The following SLC9A1 variants were observed in gnomAD, a reference collection of about 807,000 sequenced individuals.
The protein encoded by SLC9A1 is sodium/hydrogen exchanger 1.
A neutral mutation model predicts 67.9 loss-of-function variants in SLC9A1; 22 were observed. The observed-to-expected ratio is 0.32, with a 90% CI of 0.23 to 0.46. The LOEUF (loss-of-function observed/expected upper bound fraction) is 0.46. Ranked by LOEUF, SLC9A1 falls within the 20% of genes least tolerant of loss-of-function variation. The pLI, the probability that SLC9A1 is intolerant of heterozygous loss-of-function variation, is 1.00. For missense variants in SLC9A1, 686 were observed against 1,094.8 expected (o/e 0.63, Z 5.27); for synonymous variants, 421 against 471.8 (o/e 0.89, Z 1.40).
In SLC9A1 at chr1:27,137,018, G is replaced by A. The variant is rs1406298699; in HGVS notation, c.352+16965C>T. Among the ~76,000 whole-genome samples, 2 of 152,238 alleles carry A rather than the reference G, an allele frequency of 1.3e-5. No individual in the cohort carries two copies. Among genetic ancestry groups the A allele is most frequent in the African/African-American group, 4.8e-5 (2 of 41,468 alleles). On this transcript the variant is annotated intron_variant, in intron 1 of 11. Coordinates refer to ENST00000263980, the MANE Select transcript of SLC9A1 (RefSeq NM_003047.5). The surrounding 1 kb of genome is among the most constrained non-coding windows in gnomAD (Gnocchi z 4.6). ...CGTTGCCATTCCATTGTAAGTGGTA[G>A]TGCCAGATGGAGCCCCATCTGCCCC...
chr1:27,125,237 C>CTTTTTTTTTTT (rs71010327), intron 1 of SLC9A1, among the ~76,000 whole-genome samples: 42 of 86,880 alleles, frequency 4.8e-4, no homozygotes, highest in Non-Finnish European at 6.3e-4. Context: ...CCTTTTCTTT[C>CTTTTTTTTTTT]TTTTTTTTTT....
At chr1:27,147,742 T>C (rs763438746) in intron 1 of SLC9A1, among the ~76,000 whole-genome samples, 12 of 152,148 alleles carry the variant, frequency 7.9e-5, no homozygotes, top group Non-Finnish European at 1.5e-4. Context: ...ACGCCTGTAA[T>C]CCAGCACTTT....
intron 1 of SLC9A1, among the ~76,000 whole-genome samples, chr1:27,123,094 G>A (rs1020191068): frequency 6.6e-6 from 1 of 152,176 alleles, no homozygotes; most frequent in Non-Finnish European, 1.5e-5. Flanking sequence ...TGGGTGTCTG[G>A]TAGGTGACCA....
chr1:27,129,888 T>C (rs977202068), intron 1 of SLC9A1, among the ~76,000 whole-genome samples: 1 of 152,032 alleles, frequency 6.6e-6, no homozygotes, highest in African/African-American at 2.4e-5. Context: ...CCCTCCTCAT[T>C]CTACAGCTGA....
intron 1 of SLC9A1, among the ~76,000 whole-genome samples, chr1:27,135,949 T>C (rs2083417972): frequency 6.6e-6 from 1 of 152,242 alleles, no homozygotes; most frequent in African/African-American, 2.4e-5. Context: ...CAGAATTATC[T>C]GCAGAAAAAT....
At chr1:27,121,209 T>C (rs1013642726) in intron 1 of SLC9A1, among the ~76,000 whole-genome samples, 2 of 152,172 alleles carry the variant, frequency 1.3e-5, no homozygotes, top group African/African-American at 4.8e-5. Context: ...CAGGGGGTCC[T>C]ACTATGTTGG....
At chr1:27,126,569 C>T (rs534490248) in intron 1 of SLC9A1, among the ~76,000 whole-genome samples, 3 of 152,314 alleles carry the variant, frequency 2.0e-5, no homozygotes, top group East Asian at 3.9e-4. Context: ...TGGGACCACA[C>T]AGCCCTCTAT....
chr1:27,113,117 GA>G (rs2083242223), intron 2 of SLC9A1, among the ~76,000 whole-genome samples: 1 of 152,030 alleles, frequency 6.6e-6, no homozygotes, highest in South Asian at 2.1e-4. Context: ...TGTGAAGAGG[GA>G]ACTGAGGCAC....
Position 27,114,769 on chromosome 1 carries a change from C to T in SLC9A1, c.353-483G>A, listed in dbSNP as rs1042494793. ...GAGGGAAGATGGTAGTTCCCTATCA[C>T]GGAGCTGTTTAAGCAGAAGGCAGAC... On this transcript the variant is annotated intron_variant, in intron 1 of 11. Transcript: ENST00000263980. This position sits in a 1 kb window ranked among gnomAD's most constrained non-coding sequence, Gnocchi z 5.4. Among the ~76,000 whole-genome samples, 34 of 152,234 alleles carry T rather than the reference C, an allele frequency of 2.2e-4. No homozygotes were observed. The highest frequency in any genetic ancestry group is 7.9e-4 in the African/African-American group (33 of 41,528).
intron 2 of SLC9A1, among the ~76,000 whole-genome samples, chr1:27,112,579 T>C (rs184734751): frequency 8.5e-5 from 13 of 152,284 alleles, no homozygotes; most frequent in Non-Finnish European, 1.6e-4. Flanking sequence ...CTCTGCCACT[T>C]TGCAGCTATC....
chr1:27,138,334 C>T (rs1406792927), intron 1 of SLC9A1, among the ~76,000 whole-genome samples: 2 of 152,242 alleles, frequency 1.3e-5, no homozygotes, highest in African/African-American at 4.8e-5. Flanking sequence ...CCTTAGAGAA[C>T]CCTTGCTGGC....
chr1:27,125,607 T>C (rs2083337861), intron 1 of SLC9A1, among the ~76,000 whole-genome samples: 1 of 148,144 alleles, frequency 6.8e-6, no homozygotes, highest in African/African-American at 2.5e-5. Context: ...GCTTTTTTTT[T>C]CTTTTTGAGA....
chr1:27,100,203 G>A lies in SLC9A1; in HGVS notation c.*104C>T, dbSNP rs1018471413. The A allele has an allele frequency of 7.8e-5, 63 of 808,398 alleles. No homozygotes were observed. The highest frequency in any genetic ancestry group is 1.3e-4 in the Admixed American group (4 of 30,658). The allele number at this position is 808,398 out of a possible 1,614,324, so 50.1% of individuals were successfully genotyped here. ...CCCAGCTGCCATGCGGTAGGGGGAG[G>A]GGCAGGGCCAATCCGGGTCAGGAAG... is the stretch of plus-strand genomic sequence containing the variant. On this transcript the variant is annotated 3_prime_UTR_variant, in exon 12 of 12. Transcript: ENST00000263980. The surrounding 1 kb of genome is among the most constrained non-coding windows in gnomAD (Gnocchi z 5.6).
intron 8 of SLC9A1, 69 bp downstream of exon 8, chr1:27,102,316 G>A: frequency 1.3e-6 from 2 of 1,517,662 alleles, no homozygotes; most frequent in Non-Finnish European, 1.8e-6. Flanking sequence ...CCCCCAGGTG[G>A]CCACCTCCAA....
chr1:27,146,081 T>A (rs1368452518), intron 1 of SLC9A1, among the ~76,000 whole-genome samples: 1 of 152,110 alleles, frequency 6.6e-6, no homozygotes, highest in African/African-American at 2.4e-5. Flanking sequence ...CATGCCTGAC[T>A]CAGACATTTG....
chr1:27,111,678 C>T (rs1026839473), intron 2 of SLC9A1, among the ~76,000 whole-genome samples: 2 of 152,038 alleles, frequency 1.3e-5, no homozygotes, highest in Non-Finnish European at 2.9e-5. Flanking sequence ...GGTGTGATGG[C>T]CAGCACCTGC....
chr1:27,122,414 G>A (rs1413392870), intron 1 of SLC9A1, among the ~76,000 whole-genome samples: 1 of 152,062 alleles, frequency 6.6e-6, no homozygotes, highest in African/African-American at 2.4e-5. Context: ...AATGAAAAGA[G>A]AGGGGACCTC....
At chr1:27,115,347 T>C (rs1278747209) in intron 1 of SLC9A1, among the ~76,000 whole-genome samples, 2 of 152,144 alleles carry the variant, frequency 1.3e-5, no homozygotes, top group African/African-American at 4.8e-5. Context: ...AGAGGGCCTC[T>C]CTCAATATCA....
At chr1:27,107,142 C>CCA (rs2083191172) in intron 4 of SLC9A1, among the ~76,000 whole-genome samples, 1 of 4,786 alleles carries the variant, frequency 2.1e-4, no homozygotes, top group Non-Finnish European at 4.9e-4. Context: ...ACACACACAC[C>CCA]CACACCCTCA....
Sources: allele counts gnomAD v4.1 joint callset (sites outside exome capture counted in the v4.1 genomes callset), GRCh38; gene constraint gnomAD v4.1.1; non-coding constraint Gnocchi (gnomAD v3.1); transcripts MANE v1.5; gene names NCBI Gene and HGNC (gene_info 2026-07-23, HGNC 2026-07-21).